FAM200B: variants seen among roughly 807,000 people sequenced by gnomAD.
The protein encoded by FAM200B is zinc finger BED-type containing 11.
FAM200B carries 32 observed loss-of-function variants against 33.1 expected under a neutral mutation model. That is an observed-to-expected ratio of 0.97 (90% CI 0.73 to 1.30). FAM200B has a LOEUF of 1.30. Among genes scored for constraint, FAM200B ranks in the 50% most tolerant of loss-of-function variants. FAM200B has a pLI of 0.00. For synonymous variants in FAM200B, 240 were observed against 264.8 expected (o/e 0.91, Z 0.91); for missense variants, 741 against 754.0 (o/e 0.98, Z 0.20).
the FAM200B span, among the ~76,000 whole-genome samples, chr4:15,666,318 G>A: frequency 1.3e-5 from 2 of 152,172 alleles, no homozygotes; most frequent in African/African-American, 4.8e-5. Context: ...AAGATTGCTT[G>A]AGCCCAGGAT....
the FAM200B span, chr4:15,644,374 G>C: frequency 1.3e-6 from 1 of 797,156 alleles, no homozygotes; most frequent in African/African-American, 1.7e-5. Context: ...TTTAACAAGT[G>C]ACAAAATAAT....
the FAM200B span, among the ~76,000 whole-genome samples, chr4:15,653,935 A>C: frequency 6.6e-6 from 1 of 152,250 alleles, no homozygotes; most frequent in Non-Finnish European, 1.5e-5. Flanking sequence ...AAGGCTAATA[A>C]GCAACCAAGG....
Position 15,688,328 on chromosome 4 carries a change from A to G in FAM200B, c.1351A>G (p.Ser451Gly). The G allele has an allele frequency of 6.4e-7, 1 of 1,550,436 alleles. No individual in the cohort carries two copies. The highest frequency in any genetic ancestry group is 8.7e-7 in the Non-Finnish European group (1 of 1,145,938). ...ELSLKLQGKNSDVFQHVERIQ... is the reference protein window; with the variant it reads ...ELSLKLQGKNGDVFQHVERIQ... ...GAGTTTAAAACTACAGGGGAAAAAC[A>G]GTGATGTATTCCAACATGTTGAACG... is the stretch of plus-strand genomic sequence containing the variant. The change falls in exon 2 of 2, where the codon AGT becomes GGT. Residue 451 changes from serine to glycine, a missense_variant. Transcript: ENST00000422728.
Position 15,687,806 on chromosome 4 carries a change from G to T in FAM200B, c.829G>T (p.Glu277Ter), listed in dbSNP as rs1416248303. Residue 277 changes from glutamate to a stop codon, truncating the protein, a stop_gained, in exon 2 of 2, where the codon GAA becomes TAA. Transcript: ENST00000422728. LOFTEE classifies it high-confidence loss of function. ...LSGLDIFTEL[E>*]RRIVGQYKLN... ...TGGATTAGATATTTTTACAGAATTA[G>T]AAAGGCGCATAGTTGGCCAATATAA... is the stretch of plus-strand genomic sequence containing the variant. The T allele has an allele frequency of 6.4e-7, 1 of 1,550,866 alleles. No homozygotes were observed. Among genetic ancestry groups the T allele is most frequent in the African/African-American group, 1.4e-5 (1 of 72,962 alleles).
the FAM200B span, chr4:15,655,177 A>G: frequency 5.8e-6 from 8 of 1,368,150 alleles, no homozygotes; most frequent in Non-Finnish European, 7.7e-6. Context: ...CGCACCGCCC[A>G]CAGCGGGAGG....
the FAM200B span, chr4:15,638,830 CACT>C: frequency 2.4e-5 from 14 of 577,550 alleles, no homozygotes; most frequent in Admixed American, 1.1e-4. Context: ...TAGCTGTCAC[CACT>C]GAGTTAGTTT....
At chr4:15,653,598 C>T in the FAM200B span, among the ~76,000 whole-genome samples, 1 of 152,038 alleles carries the variant, frequency 6.6e-6, no homozygotes, top group African/African-American at 2.4e-5. Flanking sequence ...GAGAGAAAAC[C>T]TTGGATTCTG....
Position 15,687,243 on chromosome 4 carries a change from G to A in FAM200B, c.266G>A (p.Cys89Tyr). 1.3e-6 allele frequency: 2 copies of A among 1,545,286 alleles called. No individual in the cohort carries two copies. The highest frequency in any genetic ancestry group is 8.7e-7 in the Non-Finnish European group (1 of 1,144,926). ...FENDRPQCVI[C>Y]NNILANESLK... is the part of the protein sequence containing the mutation. The stretch of plus-strand genomic sequence containing the variant: ...AATGACAGACCTCAGTGTGTTATTT[G>A]TAATAATATTCTTGCGAATGAAAGC... The change falls in exon 2 of 2, where the codon TGT becomes TAT. Residue 89 changes from cysteine (C) to tyrosine (Y), a missense_variant. Cys to Tyr is a radical substitution (Grantham distance 194). Coordinates refer to ENST00000422728, the MANE Select transcript of FAM200B (RefSeq NM_001145191.2).
At chr4:15,671,781 T>C in the FAM200B span, among the ~76,000 whole-genome samples, 30 of 152,208 alleles carry the variant, frequency 2.0e-4, no homozygotes, top group Admixed American at 7.2e-4. Flanking sequence ...TAGTTTCTAT[T>C]GCTATGTCTT....
chr4:15,644,961 G>C, the FAM200B span, among the ~76,000 whole-genome samples: 1 of 152,084 alleles, frequency 6.6e-6, no homozygotes, highest in Non-Finnish European at 1.5e-5. Flanking sequence ...ACAAATCACG[G>C]TTTCTTTAAA....
At chr4:15,639,437 T>C in the FAM200B span, among the ~76,000 whole-genome samples, 7 of 152,210 alleles carry the variant, frequency 4.6e-5, no homozygotes, top group Admixed American at 4.6e-4. Flanking sequence ...CATTTAACTT[T>C]TCAATATTGT....
At chr4:15,636,860 T>C in the FAM200B span, among the ~76,000 whole-genome samples, 1 of 152,180 alleles carries the variant, frequency 6.6e-6, no homozygotes, top group Admixed American at 6.5e-5. Context: ...GAAGAACCAG[T>C]AGGGTTAAAC....
At chr4:15,684,159 A>G (rs1718610454) in intron 1 of FAM200B, among the ~76,000 whole-genome samples, 1 of 152,180 alleles carries the variant, frequency 6.6e-6, no homozygotes, top group South Asian at 2.1e-4. Context: ...ATCAGTGTAC[A>G]CATTTATAGG....
the FAM200B span, among the ~76,000 whole-genome samples, chr4:15,673,850 C>T: frequency 3.9e-5 from 6 of 152,218 alleles, no homozygotes; most frequent in Non-Finnish European, 7.3e-5. Flanking sequence ...GTTCCCCTCT[C>T]CCTGTACTAT....
rs1404672280 is a variant in FAM200B, at chr4:15,686,680, G to T, written c.-298G>T. 1 of 186,540 alleles carries T rather than the reference G, an allele frequency of 5.4e-6. No individual in the cohort carries two copies. Among genetic ancestry groups the T allele is most frequent in the Non-Finnish European group, 1.1e-5 (1 of 91,118 alleles). 11.6% of individuals were successfully genotyped at this position (186,540 alleles called of 1,614,324 possible). A position where few individuals can be genotyped will look rare whatever the true frequency, so the allele number is the denominator to read the frequency against. ...CTGAGGTCAATTTCAATATGCGAGA[G>T]GGGTATTTGATGGAGGAGATATGAT... On this transcript the variant is annotated 5_prime_UTR_variant, in exon 2 of 2. It adds an upstream start codon to the 5' untranslated region. Transcript: ENST00000422728.
chr4:15,659,173 A>G, the FAM200B span, among the ~76,000 whole-genome samples: 1 of 152,210 alleles, frequency 6.6e-6, no homozygotes, highest in Non-Finnish European at 1.5e-5. Flanking sequence ...AGTTTTAAGT[A>G]CCTGACATTA....
chr4:15,658,287 G>T, the FAM200B span, among the ~76,000 whole-genome samples: 1 of 152,242 alleles, frequency 6.6e-6, no homozygotes, highest in Non-Finnish European at 1.5e-5. Flanking sequence ...TACCAGAGTT[G>T]ATCCTTACTG....
At position 15,688,207 on chromosome 4, in the gene FAM200B, T is replaced by G. The variant is rs1719069735; in HGVS notation, c.1230T>G (p.Ile410Met). The G allele has an allele frequency of 1.3e-6, 2 of 1,550,712 alleles. No individual in the cohort carries two copies. Among genetic ancestry groups the G allele is most frequent in the Non-Finnish European group, 1.7e-6 (2 of 1,146,548 alleles). The change falls in exon 2 of 2, where the codon ATT becomes ATG. Residue 410 changes from isoleucine (I) to methionine (M), a missense_variant. Coordinates refer to ENST00000422728, the MANE Select transcript of FAM200B (RefSeq NM_001145191.2). ...GGAATGAGATTCACTTTTTTCTCAT[T>G]GAAAAAAAATCTCATTTGGCAAGTA... ...ELRNEIHFFLIEKKSHLASIF... is the reference protein window; with the variant it reads ...ELRNEIHFFLMEKKSHLASIF...
At chr4:15,640,364 C>T in the FAM200B span, among the ~76,000 whole-genome samples, 2 of 133,470 alleles carry the variant, frequency 1.5e-5, no homozygotes, top group Non-Finnish European at 3.1e-5. Context: ...ACATTTAAAG[C>T]CACCATTTAA....
Sources: gnomAD v4.1 joint callset for allele counts (sites outside exome capture counted in the v4.1 genomes callset) on GRCh38, gnomAD v4.1.1 for gene constraint, MANE v1.5 for transcripts, NCBI Gene and HGNC (gene_info 2026-07-23, HGNC 2026-07-21) for gene names.